NAV3: variants seen among roughly 807,000 people sequenced by gnomAD.
NAV3 encodes the protein neuron navigator 3, also known as pore membrane and/or filament interacting like protein 1.
NAV3 carries 87 observed loss-of-function variants against 244.7 expected under a neutral mutation model. The ratio of observed to expected loss-of-function variants is 0.36; its 90% confidence interval spans 0.30 to 0.42. The LOEUF (loss-of-function observed/expected upper bound fraction) is 0.42, where lower values mean the gene tolerates loss of function less well. NAV3 is among the 20% of genes least tolerant of loss of function. The pLI, the probability that NAV3 is intolerant of heterozygous loss-of-function variation, is 1.00. For synonymous variants in NAV3, 1,126 were observed against 1,042.2 expected (o/e 1.08, Z -1.55); for missense variants, 2,663 against 2,893.3 (o/e 0.92, Z 1.83).
chr12:78,117,292 T>C (rs887987877), intron 13 of NAV3, among the ~76,000 whole-genome samples: 73 of 144,592 alleles, frequency 5.0e-4, no homozygotes, highest in African/African-American at 1.8e-3. Context: ...TGTTAATATA[T>C]AGAGTATATA....
chr12:77,669,017 T>G (rs1873843793), intron 2 of NAV3, among the ~76,000 whole-genome samples: 1 of 152,100 alleles, frequency 6.6e-6, no homozygotes, highest in Non-Finnish European at 1.5e-5. Context: ...ACGAAACAAT[T>G]ATCAGCCAAG....
chr12:78,108,772 CAT>C (rs1954937344), intron 12 of NAV3, among the ~76,000 whole-genome samples: 1 of 151,866 alleles, frequency 6.6e-6, no homozygotes, highest in Admixed American at 6.6e-5. Flanking sequence ...AAGATTGAAA[CAT>C]AACATATCAA....
chr12:78,062,907 G>A (rs767361619), intron 12 of NAV3, among the ~76,000 whole-genome samples: 5 of 152,072 alleles, frequency 3.3e-5, no homozygotes, highest in African/African-American at 9.7e-5. Context: ...AAAATCCACA[G>A]CATTTTTTTT....
chr12:78,209,547 G>GA (rs564010938), intron 39 of NAV3, among the ~76,000 whole-genome samples: 292 of 128,472 alleles, frequency 2.3e-3, no homozygotes, highest in Middle Eastern at 7.9e-3. Flanking sequence ...CTTTTTTTCC[G>GA]AAAAAAAAAA....
At chr12:77,606,201 A>G (rs1363624689) in intron 2 of NAV3, among the ~76,000 whole-genome samples, 1 of 152,170 alleles carries the variant, frequency 6.6e-6, no homozygotes, top group Non-Finnish European at 1.5e-5. Context: ...TTCTTGTTTC[A>G]AGAATAAGTT....
At chr12:78,088,828 C>A (rs944904952) in intron 12 of NAV3, 4 of 152,074 alleles carry the variant, frequency 2.6e-5, no homozygotes, top group African/African-American at 9.6e-5. Flanking sequence ...TATAATGGGA[C>A]CAAAAATAGA....
intron 39 of NAV3, among the ~76,000 whole-genome samples, chr12:78,206,779 C>G (rs1960358341): frequency 6.6e-6 from 1 of 151,164 alleles, no homozygotes; most frequent in Admixed American, 6.6e-5. Flanking sequence ...AAGACGTCAT[C>G]TAAAACTAAA....
chr12:78,198,346 C>T (rs1959222905), intron 35 of NAV3, among the ~76,000 whole-genome samples: 1 of 151,870 alleles, frequency 6.6e-6, no homozygotes, highest in African/African-American at 2.4e-5. Flanking sequence ...ACTCTTTACT[C>T]AAATACTGTA....
chr12:77,688,576 G>A (rs1009925846), intron 2 of NAV3, among the ~76,000 whole-genome samples: 1 of 151,958 alleles, frequency 6.6e-6, no homozygotes, highest in Non-Finnish European at 1.5e-5. Context: ...AGTATGAGGT[G>A]ACAGAAATAT....
At chr12:77,931,396 C>T (rs909756949) in intron 1 of NAV3, among the ~76,000 whole-genome samples, 1 of 36,004 alleles carries the variant, frequency 2.8e-5, no homozygotes, top group African/African-American at 1.5e-4. Flanking sequence ...TGCAACTTCT[C>T]ATTTCTAGGG....
rs144104872 is a variant in NAV3, at chr12:77,918,579, T to C, written c.244-21740T>C. Reference sequence around the variant, plus strand: ...GGGCTGAGTTCATCAGGGAAGTTCATTGCTGCTCTACGGGCTTACTCAAGT... The same window carrying C: ...GGGCTGAGTTCATCAGGGAAGTTCACTGCTGCTCTACGGGCTTACTCAAGT... On this transcript the variant is annotated intron_variant, in intron 1 of 39. Transcript: ENST00000397909. 2.6e-3 allele frequency among the ~76,000 whole-genome samples: 401 copies of C among 152,210 alleles called. 3 individuals carry two copies. Among genetic ancestry groups the C allele is most frequent in the Middle Eastern group, 0.01 (3 of 294 alleles).
chr12:77,798,766 T>C lies in NAV3; in HGVS notation c.73-141553T>C, dbSNP rs567777960. Among the ~76,000 whole-genome samples the C allele has an allele frequency of 4.7e-4, 72 of 152,326 alleles. 1 individual carries two copies. The highest frequency in any genetic ancestry group is 7.3e-5 in the Non-Finnish European group (5 of 68,030). Reference sequence around the variant, plus strand: ...TTCACATAGGATTAGGCTTTGTTTGTTACTGTGTTTATTACCTCTGTTGAT... The same window carrying C: ...TTCACATAGGATTAGGCTTTGTTTGCTACTGTGTTTATTACCTCTGTTGAT... On this transcript the variant is annotated intron_variant, in intron 2 of 8. Transcript: ENST00000550042.
intron 3 of NAV3, among the ~76,000 whole-genome samples, chr12:77,945,083 T>C (rs1328312267): frequency 1.3e-5 from 2 of 150,472 alleles, no homozygotes; most frequent in African/African-American, 2.4e-5. Flanking sequence ...GAGTCATGAA[T>C]AATTTTTCTA....
chr12:77,778,054 C>T (rs1473788489), intron 2 of NAV3, among the ~76,000 whole-genome samples: 3 of 151,946 alleles, frequency 2.0e-5, no homozygotes, highest in African/African-American at 7.3e-5. Flanking sequence ...GATCCATCCA[C>T]CTCGGCCTCC....
intron 2 of NAV3, among the ~76,000 whole-genome samples, chr12:77,621,547 C>A (rs1871372725): frequency 7.4e-6 from 1 of 134,294 alleles, no homozygotes; most frequent in Middle Eastern, 4.2e-3. Context: ...GTGGTGTGAT[C>A]TCGGCACACT....
intron 34 of NAV3, among the ~76,000 whole-genome samples, chr12:78,194,747 T>A (rs537127103): frequency 6.6e-6 from 1 of 152,096 alleles, no homozygotes; most frequent in Non-Finnish European, 1.5e-5. Context: ...ACAAAACACA[T>A]ATTCTTAGCT....
At chr12:77,925,451 G>T (rs779636036) in intron 1 of NAV3, among the ~76,000 whole-genome samples, 3 of 152,000 alleles carry the variant, frequency 2.0e-5, no homozygotes, top group Non-Finnish European at 4.4e-5. Flanking sequence ...ATTTGTAAGA[G>T]ATTCAAATGG....
rs1441453669 is a variant in NAV3 at position 78,175,314 on chromosome 12, A to G, written c.4990A>G (p.Ile1664Val). Residue 1664 changes from isoleucine (I) to valine (V), a missense_variant, in exon 25 of 40, where the codon ATC becomes GTC. Ile to Val is a conservative substitution (Grantham distance 29). This residue lies in a region of NAV3 where 193 missense variants were observed against 200.7 expected (regional missense o/e 0.96). Transcript: ENST00000397909. ...GPDHPPKDLR[I>V]RRQHSSESVS... ...TCTCCCTCTATTGCTAGATCTTCGC[A>G]TCAGAAGACAGCATTCCTCTGAAAG... is the stretch of plus-strand genomic sequence containing the variant. The G allele has an allele frequency of 1.2e-6, 2 of 1,610,954 alleles. No individual in the cohort carries two copies. Among genetic ancestry groups the G allele is most frequent in the Non-Finnish European group, 1.7e-6 (2 of 1,177,932 alleles).
At chr12:77,857,491 T>C (rs1240373350) in intron 1 of NAV3, among the ~76,000 whole-genome samples, 1 of 151,952 alleles carries the variant, frequency 6.6e-6, no homozygotes, top group Non-Finnish European at 1.5e-5. Context: ...TTTTCCTAAC[T>C]AAAATAAAAA....
Sources: allele counts gnomAD v4.1 joint callset (sites outside exome capture counted in the v4.1 genomes callset), GRCh38; gene constraint gnomAD v4.1.1; regional missense constraint gnomAD v4.1.1; transcripts MANE v1.5; gene names NCBI Gene and HGNC (gene_info 2026-07-23, HGNC 2026-07-21).